Variants in MEIS1 observed in about 807,000 individuals in gnomAD.
MEIS1 encodes homeobox protein Meis1.
In MEIS1, 5 loss-of-function variants were observed where a neutral mutation model predicts 50.8. The ratio of observed to expected loss-of-function variants is 0.10; its 90% CI spans 0.05 to 0.21. MEIS1 has a LOEUF of 0.21. Ranked by LOEUF, MEIS1 falls within the 10% of genes least tolerant of loss-of-function variation. The pLI, the probability that MEIS1 is intolerant of heterozygous loss-of-function variation, is 1.00. For synonymous variants in MEIS1, 176 were observed against 179.3 expected, an observed-to-expected ratio of 0.98 and a Z score of 0.15; for missense variants, 318 against 517.3, an observed-to-expected ratio of 0.61 and a Z score of 3.74.
chr2:66,543,911 T>C (rs1052560712), intron 8 of MEIS1, among the ~76,000 whole-genome samples: 3 of 152,232 alleles, frequency 2.0e-5, no homozygotes, highest in Non-Finnish European at 4.4e-5. Context: ...TGCTTTGATA[T>C]CCCGAAGTGA....
At chr2:66,502,943 G>T (rs1189666459) in intron 7 of MEIS1, among the ~76,000 whole-genome samples, 2 of 152,160 alleles carry the variant, frequency 1.3e-5, no homozygotes, top group Non-Finnish European at 2.9e-5. Flanking sequence ...TTTGGGACCT[G>T]ACAGCATCCA....
intron 9 of MEIS1, among the ~76,000 whole-genome samples, chr2:66,566,784 C>T (rs1159588372): frequency 1.4e-5 from 2 of 144,004 alleles, no homozygotes; most frequent in African/African-American, 5.1e-5. Context: ...GTGACCTTGC[C>T]TTGACCTCAG....
At chr2:66,464,940 GA>G (rs1413862076) in intron 7 of MEIS1, among the ~76,000 whole-genome samples, 2 of 152,202 alleles carry the variant, frequency 1.3e-5, no homozygotes, top group African/African-American at 4.8e-5. Context: ...TGCTTTTCAT[GA>G]GAGCCCGCTG....
At chr2:66,481,974 C>T (rs1673027383) in intron 7 of MEIS1, among the ~76,000 whole-genome samples, 2 of 150,716 alleles carry the variant, frequency 1.3e-5, no homozygotes, top group Admixed American at 1.3e-4. Flanking sequence ...CCTGCCTCAG[C>T]CTCCCGAGTA....
chr2:66,479,313 C>A (rs1323523260), intron 7 of MEIS1, among the ~76,000 whole-genome samples: 1 of 152,158 alleles, frequency 6.6e-6, no homozygotes, highest in East Asian at 1.9e-4. Context: ...GAGGAAAACA[C>A]CCTATTTGCT....
At chr2:66,546,801 G>A (rs746028589) in intron 8 of MEIS1, among the ~76,000 whole-genome samples, 1 of 152,158 alleles carries the variant, frequency 6.6e-6, no homozygotes, top group Non-Finnish European at 1.5e-5. Context: ...AATCCCCTGT[G>A]TATAGATATA....
At chr2:66,481,910 G>A (rs541591418) in intron 7 of MEIS1, among the ~76,000 whole-genome samples, 10 of 147,318 alleles carry the variant, frequency 6.8e-5, no homozygotes, top group South Asian at 6.6e-4. Context: ...GCCGGAGTGC[G>A]GTGGCGTGAT....
chr2:66,515,336 A>C (rs1471405085), intron 8 of MEIS1, among the ~76,000 whole-genome samples: 1 of 152,184 alleles, frequency 6.6e-6, no homozygotes, highest in East Asian at 1.9e-4. Flanking sequence ...TCAGTGAAAA[A>C]ATCTGCCCTT....
chr2:66,571,588 A>G lies in MEIS1; in HGVS notation c.*380A>G. 1 of 1,540,026 alleles carries G rather than the reference A, an allele frequency of 6.5e-7. No homozygotes were observed. The highest frequency in any genetic ancestry group is 2.4e-5 in the East Asian group (1 of 40,880). On this transcript the variant is annotated 3_prime_UTR_variant, in exon 13 of 13. Coordinates refer to ENST00000272369, the MANE Select transcript of MEIS1 (RefSeq NM_002398.3). ...TGATTTCAAATCATGTTTTTTCTGC[A>G]ATGACTGTGGAGTTCCATTCTTGGC...
At chr2:66,466,367 G>A (rs1672635391) in intron 7 of MEIS1, among the ~76,000 whole-genome samples, 1 of 152,230 alleles carries the variant, frequency 6.6e-6, no homozygotes, top group Admixed American at 6.5e-5. Flanking sequence ...GATAACAGAA[G>A]CTGTTGGGAG....
chr2:66,546,816 A>T (rs1213526483), intron 8 of MEIS1, among the ~76,000 whole-genome samples: 1 of 152,196 alleles, frequency 6.6e-6, no homozygotes, highest in Non-Finnish European at 1.5e-5. Flanking sequence ...GATATAGAGC[A>T]TATTTAAACT....
At chr2:66,466,084 G>C (rs1340265306) in intron 7 of MEIS1, among the ~76,000 whole-genome samples, 1 of 152,142 alleles carries the variant, frequency 6.6e-6, no homozygotes, top group Admixed American at 6.5e-5. Flanking sequence ...GATCTCAGCT[G>C]AATCATTTAA....
chr2:66,506,590 G>A (rs1431750088), intron 7 of MEIS1, among the ~76,000 whole-genome samples: 1 of 152,148 alleles, frequency 6.6e-6, no homozygotes, highest in Non-Finnish European at 1.5e-5. Flanking sequence ...AAGGCAAAGG[G>A]TAGCCACCAA....
chr2:66,567,316 G>C, intron 9 of MEIS1, 137 bp from the exon 10 acceptor site: 2 of 848,686 alleles, frequency 2.4e-6, no homozygotes, highest in Non-Finnish European at 3.9e-6. Context: ...GCTGCACATA[G>C]AGCAATGGAG....
At chr2:66,499,575 A>G (rs1053705945) in intron 7 of MEIS1, among the ~76,000 whole-genome samples, 1 of 152,060 alleles carries the variant, frequency 6.6e-6, no homozygotes, top group Non-Finnish European at 1.5e-5. Context: ...GATTCCCAGG[A>G]AGACAGGGAG....
At chr2:66,565,405 G>C (rs1007229089) in intron 9 of MEIS1, among the ~76,000 whole-genome samples, 1 of 152,142 alleles carries the variant, frequency 6.6e-6, no homozygotes, top group African/African-American at 2.4e-5. Flanking sequence ...CACTGGGGTT[G>C]CTGCCAGTGG....
chr2:66,531,772 A>T (rs1339407198), intron 8 of MEIS1, among the ~76,000 whole-genome samples: 1 of 152,136 alleles, frequency 6.6e-6, no homozygotes, highest in African/African-American at 2.4e-5. Context: ...TCAGGATGAG[A>T]CCCCAGGCCT....
intron 8 of MEIS1, among the ~76,000 whole-genome samples, chr2:66,528,069 A>C (rs950802923): frequency 1.3e-5 from 2 of 152,168 alleles, no homozygotes; most frequent in African/African-American, 4.8e-5. Flanking sequence ...GTGCTGTGGG[A>C]GTACAAAGAA....
chr2:66,509,638 C>A (rs1043301154), intron 7 of MEIS1, among the ~76,000 whole-genome samples: 3 of 152,192 alleles, frequency 2.0e-5, no homozygotes, highest in Non-Finnish European at 4.4e-5. Flanking sequence ...TTAAAAAATT[C>A]TGTTCCTAAT....
Sources: allele counts gnomAD v4.1 joint callset (sites outside exome capture counted in the v4.1 genomes callset), GRCh38; gene constraint gnomAD v4.1.1; transcripts MANE v1.5; gene names NCBI Gene and HGNC (gene_info 2026-07-23, HGNC 2026-07-21).